SLC14A2: variants seen among roughly 807,000 people sequenced by gnomAD.
SLC14A2 encodes the protein solute carrier family 14 member 2.
A neutral mutation model predicts 104.6 loss-of-function variants in SLC14A2; 91 were observed. That is an observed-to-expected ratio of 0.87 (90% CI 0.73 to 1.04). The LOEUF is 1.04. Ranked by LOEUF, SLC14A2 falls within the 50% of genes least tolerant of loss-of-function variation. The pLI is 0.00. For missense variants in SLC14A2, 1,189 were observed against 1,156.0 expected, an observed-to-expected ratio of 1.03 and a Z score of -0.41; for synonymous variants, 476 against 466.4, an observed-to-expected ratio of 1.02 and a Z score of -0.27.
At chr18:45,590,479 CTGGAGGTGAA>C (rs2044632690) in intron 2 of SLC14A2, among the ~76,000 whole-genome samples, 1 of 152,180 alleles carries the variant, frequency 6.6e-6, no homozygotes, top group Non-Finnish European at 1.5e-5. Flanking sequence ...TGAGGAGTCT[CTGGAGGTGAA>C]TTGGTTTTGT....
At chr18:45,392,221 C>A (rs192817630) in intron 1 of SLC14A2, among the ~76,000 whole-genome samples, 2 of 152,192 alleles carry the variant, frequency 1.3e-5, no homozygotes, top group Non-Finnish European at 1.5e-5. Context: ...CCCAGAGAAC[C>A]TCAGGACAGC....
chr18:45,440,969 G>A (rs534076570), intron 1 of SLC14A2, among the ~76,000 whole-genome samples: 160 of 152,208 alleles, frequency 1.1e-3, no homozygotes, highest in Non-Finnish European at 1.2e-3. Flanking sequence ...TGCCGTGTTC[G>A]TGCTTCATTG....
At chr18:45,262,025 C>G (rs1253557820) in intron 1 of SLC14A2, among the ~76,000 whole-genome samples, 1 of 152,194 alleles carries the variant, frequency 6.6e-6, no homozygotes, top group Non-Finnish European at 1.5e-5. Context: ...GTCCCACCAA[C>G]AGTGTAAAAG....
chr18:45,650,918 T>TC, intron 10 of SLC14A2, among the ~76,000 whole-genome samples: 1 of 151,070 alleles, frequency 6.6e-6, no homozygotes, highest in Non-Finnish European at 1.5e-5. Context: ...TTTTTATTTT[T>TC]AGCAAAGATG....
intron 2 of SLC14A2, among the ~76,000 whole-genome samples, chr18:45,580,757 G>A (rs1049346694): frequency 6.6e-6 from 1 of 152,196 alleles, no homozygotes; most frequent in African/African-American, 2.4e-5. Flanking sequence ...CACAGAACGG[G>A]TAAGGGGCAA....
chr18:45,168,317 A>T, the SLC14A2 span, among the ~76,000 whole-genome samples: 2 of 152,200 alleles, frequency 1.3e-5, no homozygotes, highest in Admixed American at 1.3e-4. Context: ...GATTTCTAGT[A>T]TGAAATTTCT....
intron 6 of SLC14A2, among the ~76,000 whole-genome samples, chr18:45,638,960 G>A (rs901916771): frequency 3.8e-4 from 58 of 152,178 alleles, no homozygotes; most frequent in Admixed American, 2.8e-3. Context: ...CAAAAATATC[G>A]ACAATTCAGC....
chr18:45,659,258 C>T (rs1336579777), intron 10 of SLC14A2, among the ~76,000 whole-genome samples: 1 of 152,246 alleles, frequency 6.6e-6, no homozygotes, highest in Non-Finnish European at 1.5e-5. Flanking sequence ...CATCTGTTTA[C>T]TGCACCATGC....
At chr18:45,497,279 A>G (rs949966858) in intron 2 of SLC14A2, among the ~76,000 whole-genome samples, 1 of 152,194 alleles carries the variant, frequency 6.6e-6, no homozygotes, top group African/African-American at 2.4e-5. Context: ...AGCCACAGTC[A>G]TTCAACAGTT....
chr18:45,454,392 T>C (rs1020407583), intron 1 of SLC14A2, among the ~76,000 whole-genome samples: 1 of 152,208 alleles, frequency 6.6e-6, no homozygotes. Context: ...CTTTGTAGAT[T>C]CTGGATATTA....
chr18:45,498,795 T>C (rs1232238367), intron 2 of SLC14A2, among the ~76,000 whole-genome samples: 2 of 152,184 alleles, frequency 1.3e-5, no homozygotes, highest in Non-Finnish European at 2.9e-5. Flanking sequence ...TGGCATTCCA[T>C]CTCTCCACTT....
chr18:45,208,010 C>T (rs2143957868), upstream of SLC14A2, among the ~76,000 whole-genome samples: 1 of 152,302 alleles, frequency 6.6e-6, no homozygotes, highest in South Asian at 2.1e-4. Context: ...CAGGAGTCAG[C>T]CATAAAACTG....
At chr18:45,566,845 G>A (rs2044273192) in intron 2 of SLC14A2, among the ~76,000 whole-genome samples, 1 of 152,224 alleles carries the variant, frequency 6.6e-6, no homozygotes, top group Non-Finnish European at 1.5e-5. Flanking sequence ...AAGTACTGGT[G>A]AGGGCTAGAA....
chr18:45,604,636 T>A (rs1469860100), intron 2 of SLC14A2, among the ~76,000 whole-genome samples: 1 of 152,232 alleles, frequency 6.6e-6, no homozygotes, highest in African/African-American at 2.4e-5. Context: ...CAAATTTCTT[T>A]ACTGTGCAAT....
At chr18:45,173,648 C>T in the SLC14A2 span, among the ~76,000 whole-genome samples, 1 of 152,172 alleles carries the variant, frequency 6.6e-6, no homozygotes, top group South Asian at 2.1e-4. Context: ...GTTTTAGAAC[C>T]TGACTTGGAA....
Position 45,673,007 on chromosome 18 carries a change from CT to C in SLC14A2, c.2339del (p.Leu780CysfsTer12). ...ALFISSPLIC[L>X]HAAIGSTMGM... is the part of the protein sequence containing the mutation. ...TGTTCATATCCTCACCTCTCATTTG[CT>C]TGCATGCAGCAATTGGATCCACCAT... On this transcript the variant is annotated frameshift_variant, in exon 17 of 20. Coordinates refer to ENST00000255226, the MANE Select transcript of SLC14A2 (RefSeq NM_007163.4). LOFTEE classifies it high-confidence loss of function. 6.2e-7 allele frequency: 1 copy of C among 1,614,178 alleles called. No homozygotes were observed. The highest frequency in any genetic ancestry group is 1.6e-4 in the Middle Eastern group (1 of 6,062).
intron 1 of SLC14A2, among the ~76,000 whole-genome samples, chr18:45,228,882 T>C (rs1039178644): frequency 6.6e-6 from 1 of 152,190 alleles, no homozygotes; most frequent in Non-Finnish European, 1.5e-5. Flanking sequence ...CTGAACCTCA[T>C]GCCTCTCAAG....
chr18:45,548,605 G>T (rs2044008624), intron 2 of SLC14A2, among the ~76,000 whole-genome samples: 1 of 152,218 alleles, frequency 6.6e-6, no homozygotes, highest in African/African-American at 2.4e-5. Flanking sequence ...TCAGGGGGCT[G>T]ATGTGGGATG....
chr18:45,629,622 G>A (rs2045314081), intron 4 of SLC14A2, among the ~76,000 whole-genome samples: 1 of 152,088 alleles, frequency 6.6e-6, no homozygotes, highest in African/African-American at 2.4e-5. Flanking sequence ...GTCCAGCTGA[G>A]ATGAGCCCAA....
Sources: gnomAD v4.1 joint callset for allele counts (sites outside exome capture counted in the v4.1 genomes callset) on GRCh38, gnomAD v4.1.1 for gene constraint, MANE v1.5 for transcripts, NCBI Gene and HGNC (gene_info 2026-07-23, HGNC 2026-07-21) for gene names.